The following VWA8 variants were observed in gnomAD, a reference collection of about 807,000 sequenced individuals.
VWA8 encodes the protein von Willebrand factor A domain containing 8.
VWA8 carries 221 observed loss-of-function variants against 241.5 expected under a neutral mutation model. The ratio of observed to expected loss-of-function variants is 0.91; its 90% CI spans 0.82 to 1.02. VWA8 has a LOEUF of 1.02. VWA8 is among the 50% of genes least tolerant of loss of function. The pLI, the probability that VWA8 is intolerant of heterozygous loss-of-function variation, is 0.00. For synonymous variants in VWA8, 852 were observed against 827.1 expected, an observed-to-expected ratio of 1.03 and a Z score of -0.52; for missense variants, 2,322 against 2,328.7, an observed-to-expected ratio of 1.00 and a Z score of 0.06.
At position 41,625,385 on chromosome 13, in the gene VWA8, GA is replaced by G. The variant is rs986644685; in HGVS notation, c.4612-10302del. ...ACAATGAACTCAAACAAATTTACAA[GA>G]AAAAAACAAACAACCCCATCAAAAA... is the stretch of plus-strand genomic sequence containing the variant. On this transcript the variant is annotated intron_variant, in intron 37 of 44. Coordinates refer to ENST00000379310, the MANE Select transcript of VWA8 (RefSeq NM_015058.2). Among the ~76,000 whole-genome samples, 8 of 151,936 alleles carry G rather than the reference GA, an allele frequency of 5.3e-5. No homozygotes were observed. The East Asian group carries it at 1.4e-3, about 26-fold the overall frequency.
intron 4 of VWA8, among the ~76,000 whole-genome samples, chr13:41,902,208 G>A (rs1875487662): frequency 6.6e-6 from 1 of 151,790 alleles, no homozygotes; most frequent in African/African-American, 2.4e-5. Context: ...AATATTGTAC[G>A]GATACTAAAA....
intron 2 of VWA8, among the ~76,000 whole-genome samples, chr13:41,935,911 G>C (rs1370825958): frequency 6.6e-6 from 1 of 151,878 alleles, no homozygotes; most frequent in Non-Finnish European, 1.5e-5. Context: ...CATAATGTGG[G>C]TATACAATAA....
At chr13:41,928,885 T>C (rs941196848) in intron 2 of VWA8, among the ~76,000 whole-genome samples, 4 of 150,064 alleles carry the variant, frequency 2.7e-5, no homozygotes, top group Non-Finnish European at 5.9e-5. Flanking sequence ...AGTAAAGACA[T>C]TACAACAGAT....
rs193136528 is a variant in VWA8, at chr13:41,681,527, A to G, written c.4327+3520T>C. Among the ~76,000 whole-genome samples, 74 of 152,354 alleles carry G rather than the reference A, an allele frequency of 4.9e-4. 1 individual carries two copies. The East Asian group carries it at 0.014, about 29-fold the overall frequency. On this transcript the variant is annotated intron_variant, in intron 35 of 44. Transcript: ENST00000379310. The stretch of plus-strand genomic sequence containing the variant: ...AAAGCTATATGTTATTTTGTGAATG[A>G]TAAGTACTGAACTCACATTCAGAAT...
chr13:41,801,591 C>G (rs909575938), intron 17 of VWA8, among the ~76,000 whole-genome samples: 3 of 152,158 alleles, frequency 2.0e-5, no homozygotes, highest in African/African-American at 7.2e-5. Context: ...TCTTTTCTTA[C>G]TATTCTTTAA....
chr13:41,753,077 G>C (rs1393267740), intron 21 of VWA8, among the ~76,000 whole-genome samples: 1 of 152,106 alleles, frequency 6.6e-6, no homozygotes, highest in Non-Finnish European at 1.5e-5. Flanking sequence ...GAATAAAGAA[G>C]GCATGCATAC....
At chr13:41,902,417 T>A (rs1231057020) in intron 4 of VWA8, among the ~76,000 whole-genome samples, 1 of 152,196 alleles carries the variant, frequency 6.6e-6, no homozygotes, top group Non-Finnish European at 1.5e-5. Context: ...ATACAGCAAG[T>A]AATTTTTCAG....
At chr13:41,711,670 C>T (rs576057777) in intron 26 of VWA8, among the ~76,000 whole-genome samples, 49 of 152,152 alleles carry the variant, frequency 3.2e-4, no homozygotes, top group Middle Eastern at 6.8e-3. Flanking sequence ...GTCAGGAGAT[C>T]GAGACCATCC....
At chr13:41,722,547 T>TA (rs2045401240) in intron 24 of VWA8, among the ~76,000 whole-genome samples, 1 of 152,200 alleles carries the variant, frequency 6.6e-6, no homozygotes, top group Admixed American at 6.6e-5. Flanking sequence ...TCTCATATAC[T>TA]AAAGCTTTTC....
At chr13:41,870,718 G>GC (rs1873559336) in intron 9 of VWA8, among the ~76,000 whole-genome samples, 1 of 151,678 alleles carries the variant, frequency 6.6e-6, no homozygotes, top group African/African-American at 2.4e-5. Flanking sequence ...TTAAATGTAT[G>GC]TTTTCCCACA....
intron 30 of VWA8, 121 bp from the exon 31 acceptor site, chr13:41,692,059 A>T: frequency 1.6e-6 from 1 of 631,366 alleles, no homozygotes. Context: ...TAATTCTCAA[A>T]CAAGCTATCT....
At chr13:41,917,696 A>C (rs986369626) in intron 2 of VWA8, among the ~76,000 whole-genome samples, 2 of 152,210 alleles carry the variant, frequency 1.3e-5, no homozygotes, top group African/African-American at 4.8e-5. Flanking sequence ...TAGGCTCCTG[A>C]GTTTACACTC....
chr13:41,758,711 A>G (rs965742429), intron 21 of VWA8, among the ~76,000 whole-genome samples: 3 of 150,970 alleles, frequency 2.0e-5, no homozygotes, highest in Non-Finnish European at 4.5e-5. Context: ...TGGCACCTCC[A>G]GCATAATATG....
At chr13:41,702,532 G>A (rs1334987903) in intron 27 of VWA8, among the ~76,000 whole-genome samples, 1 of 152,214 alleles carries the variant, frequency 6.6e-6, no homozygotes, top group African/African-American at 2.4e-5. Flanking sequence ...TGTAAGGGTT[G>A]ACAAACTATG....
At chr13:41,663,009 T>C (rs1325515229) in intron 37 of VWA8, among the ~76,000 whole-genome samples, 2 of 152,162 alleles carry the variant, frequency 1.3e-5, no homozygotes, top group African/African-American at 2.4e-5. Context: ...CTGATTACCA[T>C]TTAGGTAGTT....
At chr13:41,960,393 T>A (rs1049364864) in intron 1 of VWA8, among the ~76,000 whole-genome samples, 1 of 152,184 alleles carries the variant, frequency 6.6e-6, no homozygotes, top group Non-Finnish European at 1.5e-5. Flanking sequence ...TATGGGTTCT[T>A]TGGCAAGAAT....
At chr13:41,686,653 C>T (rs2045138391) in intron 34 of VWA8, among the ~76,000 whole-genome samples, 1 of 152,084 alleles carries the variant, frequency 6.6e-6, no homozygotes, top group South Asian at 2.1e-4. Flanking sequence ...TGTAATTCCC[C>T]TCTCCAACAG....
intron 34 of VWA8, among the ~76,000 whole-genome samples, chr13:41,688,277 A>C (rs2045150552): frequency 6.6e-6 from 1 of 152,124 alleles, no homozygotes; most frequent in African/African-American, 2.4e-5. Context: ...TAAAATGTTG[A>C]GGCATACAAA....
intron 26 of VWA8, among the ~76,000 whole-genome samples, chr13:41,718,814 T>G (rs994650427): frequency 1.3e-5 from 2 of 151,778 alleles, no homozygotes; most frequent in Admixed American, 1.3e-4. Context: ...AGTGTCTCCT[T>G]TTGGGGCTAA....
Sources: gnomAD v4.1 joint callset for allele counts (sites outside exome capture counted in the v4.1 genomes callset) on GRCh38, gnomAD v4.1.1 for gene constraint, MANE v1.5 for transcripts, NCBI Gene and HGNC (gene_info 2026-07-23, HGNC 2026-07-21) for gene names.